Variants in MTMR14 observed in about 807,000 individuals in gnomAD.
The protein encoded by MTMR14 is phosphatidylinositol-3,5-bisphosphate 3-phosphatase MTMR14.
A neutral mutation model predicts 86.3 loss-of-function variants in MTMR14; 48 were observed. The observed-to-expected ratio is 0.56, with a 90% CI of 0.44 to 0.71. MTMR14 has a LOEUF of 0.71. Ranked by LOEUF, MTMR14 falls within the 30% of genes least tolerant of loss-of-function variation. The pLI is 0.00. For missense variants in MTMR14, 780 were observed against 834.6 expected, an observed-to-expected ratio of 0.93 and a Z score of 0.81; for synonymous variants, 366 against 326.1, an observed-to-expected ratio of 1.12 and a Z score of -1.32.
Position 9,677,893 on chromosome 3 carries a change from G to A in MTMR14, c.823-91G>A, listed in dbSNP as rs2075634853. ...CCAGAGAAGGCAAGCACTGCCTGTG[G>A]TAGTCACAGCCTCAGGACTGCAAGC... On this transcript the variant is annotated intron_variant, in intron 8 of 18. Transcript: ENST00000296003. This position sits in a 1 kb window ranked among gnomAD's most constrained non-coding sequence, Gnocchi z 4.2. 8.8e-7 allele frequency: 1 copy of A among 1,138,130 alleles called. No individual in the cohort carries two copies. Among genetic ancestry groups the A allele is most frequent in the Non-Finnish European group, 1.3e-6 (1 of 771,134 alleles). 70.5% of individuals were successfully genotyped at this position (1,138,130 alleles called of 1,614,324 possible). A position where few individuals can be genotyped will look rare whatever the true frequency, so the allele number is the denominator to read the frequency against.
At chr3:9,650,214 C>G (rs566341642) in intron 1 of MTMR14, 18 of 422,238 alleles carry the variant, frequency 4.3e-5, no homozygotes, top group Admixed American at 3.0e-4. Flanking sequence ...ATGACTTAGG[C>G]CCATCCCTTT....
Position 9,672,739 on chromosome 3 carries a change from C to G in MTMR14, c.732C>G (p.Leu244=). ...CCCAGCGCTATGCCGACTTCACTCT[C>G]CTCTCCATCCCGTATCCAGGTAGGG... ...DKAQRYADFT[L]LSIPYPGCEF... is the part of the protein sequence containing the mutation. Residue 244 remains leucine (L), a synonymous_variant, in exon 7 of 19, where the codon CTC becomes CTG. Transcript: ENST00000296003. 6.2e-7 allele frequency: 1 copy of G among 1,614,190 alleles called. No homozygotes were observed. The highest frequency in any genetic ancestry group is 8.5e-7 in the Non-Finnish European group (1 of 1,180,018).
At position 9,697,637 on chromosome 3, in the gene MTMR14, C is replaced by T. The variant is rs553633297; in HGVS notation, c.1614-74C>T. The stretch of plus-strand genomic sequence containing the variant: ...TAGCAGCCAGGGCTGCGCTAGTCCC[C>T]TAGCCCCCTCCAGAGCCTGTGTCAG... On this transcript the variant is annotated intron_variant, in intron 17 of 18. Transcript: ENST00000296003. The T allele has an allele frequency of 7.1e-6, 11 of 1,559,004 alleles. No homozygotes were observed. The East Asian group carries it at 2.5e-4, about 35-fold the overall frequency.
intron 7 of MTMR14, chr3:9,675,469 G>A: frequency 2.4e-6 from 1 of 416,430 alleles, no homozygotes; most frequent in Non-Finnish European, 4.9e-6. Context: ...GTACTCAGTA[G>A]TCTCAGTTCT....
chr3:9,653,597 G>T, intron 1 of MTMR14, 24 bp from the exon 2 acceptor site: 1 of 1,614,010 alleles, frequency 6.2e-7, no homozygotes. Flanking sequence ...TTCTCTTTGT[G>T]TTCTGGTCTC....
chr3:9,684,645 C>T lies in MTMR14; in HGVS notation c.1025C>T (p.Ser342Phe). The T allele has an allele frequency of 6.2e-7, 1 of 1,614,178 alleles. No homozygotes were observed. ...SGWDRTPLFI[S>F]LLRLSLWADG... ...TGGGATCGGACCCCCCTCTTCATCTCCCTCCTGCGCCTTTCCTTGTGGGCT... is the reference window on the plus strand; with the variant it reads ...TGGGATCGGACCCCCCTCTTCATCTTCCTCCTGCGCCTTTCCTTGTGGGCT... The change falls in exon 11 of 19, where the codon TCC becomes TTC. Residue 342 changes from serine to phenylalanine, a missense_variant. Coordinates refer to ENST00000296003, the MANE Select transcript of MTMR14 (RefSeq NM_001077525.3).
chr3:9,688,799 C>T (rs1006309192), intron 15 of MTMR14, 45 bp downstream of exon 15: 26 of 1,612,750 alleles, frequency 1.6e-5, no homozygotes, highest in Non-Finnish European at 2.0e-5. Flanking sequence ...CATACATCTT[C>T]CCGTGTACAG....
chr3:9,649,736 C>T lies in MTMR14; in HGVS notation c.153C>T (p.Gly51=), dbSNP rs771892075. 6 of 1,613,418 alleles carry T rather than the reference C, an allele frequency of 3.7e-6. No homozygotes were observed. Among genetic ancestry groups the T allele is most frequent in the Middle Eastern group, 1.7e-4 (1 of 6,058 alleles). The change falls in exon 1 of 19, where the codon GGC becomes GGT. Residue 51 remains glycine (G), a synonymous_variant. Transcript: ENST00000296003. ...CCAAGGATGGCAGCGGGACCGGCGG[C>T]TCTAAGGTGAGATTGGAGGTGCGAT... is the stretch of plus-strand genomic sequence containing the variant. The part of the protein sequence containing the change: ...YRAKDGSGTG[G]SKVERIEKRC...
chr3:9,689,887 C>T (rs2076084164), intron 16 of MTMR14, 77 bp from the exon 17 acceptor site: 3 of 1,431,336 alleles, frequency 2.1e-6, no homozygotes, highest in African/African-American at 1.4e-5. Flanking sequence ...AAGCCTAGGC[C>T]TGAAATTCAG....
At chr3:9,663,072 GCT>G (rs929420241) in intron 3 of MTMR14, among the ~76,000 whole-genome samples, 7 of 152,216 alleles carry the variant, frequency 4.6e-5, no homozygotes, top group Non-Finnish European at 8.8e-5. Flanking sequence ...CAGGGAGGTG[GCT>G]CTGTGTTTGC....
intron 16 of MTMR14, 113 bp from the exon 17 acceptor site, chr3:9,689,837 AATGTTTGCCAACTC>A: frequency 1.1e-6 from 1 of 920,972 alleles, no homozygotes. Context: ...AGAGAGTGCT[AATGTTTGCCAACTC>A]ATGTGATGTT....
intron 3 of MTMR14, among the ~76,000 whole-genome samples, chr3:9,665,277 CT>C (rs1322226016): frequency 1.6e-5 from 2 of 126,412 alleles, no homozygotes; most frequent in Non-Finnish European, 3.2e-5. Flanking sequence ...GTGAGACTGT[CT>C]CAAAAAAAAA....
intron 3 of MTMR14, among the ~76,000 whole-genome samples, chr3:9,662,591 G>T (rs548221732): frequency 1.3e-5 from 2 of 152,256 alleles, no homozygotes; most frequent in African/African-American, 4.8e-5. Flanking sequence ...CCCACCCCGT[G>T]TTCCAGAGCC....
At position 9,702,340 on chromosome 3, in the gene MTMR14, T is replaced by G. The variant is rs1263844500; in HGVS notation, c.*367T>G. On this transcript the variant is annotated 3_prime_UTR_variant, in exon 19 of 19. Transcript: ENST00000296003. ...GAGGAGGGATCACCTGCACTGAGAA[T>G]GAGGCAGTTTGACACAGATCACAAA... 5.5e-6 allele frequency: 2 copies of G among 364,870 alleles called. No homozygotes were observed. The highest frequency in any genetic ancestry group is 6.3e-5 in the East Asian group (1 of 15,886). The allele number at this position is 364,870 out of a possible 1,614,324, so 22.6% of individuals were successfully genotyped here.
intron 13 of MTMR14, 27 bp from the exon 14 acceptor site, chr3:9,687,794 T>C: frequency 6.4e-7 from 1 of 1,555,968 alleles, no homozygotes; most frequent in Non-Finnish European, 8.7e-7. Context: ...TTCTTCTCAT[T>C]GTGCGCTGCT....
Position 9,677,347 on chromosome 3 carries a change from G to C in MTMR14, c.782G>C (p.Arg261Pro). Residue 261 changes from arginine to proline, a missense_variant, in exon 8 of 19, where the codon CGG (arginine) becomes CCG (proline). Physicochemically the swap from Arg to Pro is moderately radical, Grantham distance 103. Coordinates refer to ENST00000296003, the MANE Select transcript of MTMR14 (RefSeq NM_001077525.3). The surrounding 1 kb of genome is among the most constrained non-coding windows in gnomAD (Gnocchi z 4.2). ...GAATTTTTCAAGGAATATAAAGATC[G>C]GGATTACATGGCAGAAGGGCTCATA... is the stretch of plus-strand genomic sequence containing the variant. ...GCEFFKEYKD[R>P]DYMAEGLIFN... 1 of 1,614,010 alleles carries C rather than the reference G, an allele frequency of 6.2e-7. No homozygotes were observed. Among genetic ancestry groups the C allele is most frequent in the Non-Finnish European group, 8.5e-7 (1 of 1,179,926 alleles).
intron 5 of MTMR14, among the ~76,000 whole-genome samples, chr3:9,670,242 T>C (rs2048494884): frequency 2.0e-5 from 3 of 152,236 alleles, no homozygotes; most frequent in Non-Finnish European, 1.5e-5. Flanking sequence ...CATCTTGCTA[T>C]GCCCAGGTTC....
intron 2 of MTMR14, among the ~76,000 whole-genome samples, chr3:9,660,808 G>A (rs1217603695): frequency 2.0e-5 from 3 of 152,142 alleles, no homozygotes; most frequent in Admixed American, 6.6e-5. Context: ...TTTTAAGGAA[G>A]GAACATGAGT....
intron 15 of MTMR14, 26 bp from the exon 16 acceptor site, chr3:9,688,918 T>A (rs1321649915): frequency 6.2e-7 from 1 of 1,613,974 alleles, no homozygotes; most frequent in Non-Finnish European, 8.5e-7. Context: ...GGTAACACGC[T>A]GACTGATGGC....
Sources: gnomAD v4.1 joint callset for allele counts (sites outside exome capture counted in the v4.1 genomes callset) on GRCh38, gnomAD v4.1.1 for gene constraint, Gnocchi (gnomAD v3.1) non-coding constraint, MANE v1.5 for transcripts, NCBI Gene and HGNC (gene_info 2026-07-23, HGNC 2026-07-21) for gene names.